The following SYTL5 variants were observed in gnomAD, a reference collection of about 807,000 sequenced individuals.
SYTL5 encodes the protein synaptotagmin like 5.
SYTL5 carries 34 observed loss-of-function variants against 55.9 expected under a neutral mutation model. The ratio of observed to expected loss-of-function variants is 0.61; its 90% CI spans 0.46 to 0.81. SYTL5 has a LOEUF of 0.81. Ranked by LOEUF, SYTL5 falls within the 30% of genes least tolerant of loss-of-function variation. SYTL5 has a pLI of 0.00. For synonymous variants in SYTL5, 221 were observed against 188.7 expected (o/e 1.17, Z -1.40); for missense variants, 637 against 546.7 (o/e 1.17, Z -1.65).
the SYTL5 span, among the ~76,000 whole-genome samples, chrX:37,934,999 C>T: frequency 8.9e-6 from 1 of 111,889 alleles, no homozygotes; most frequent in Non-Finnish European, 1.9e-5. Context: ...TCTACACATT[C>T]GAGAATCCCT....
chrX:37,930,404 A>G, the SYTL5 span, among the ~76,000 whole-genome samples: 1 of 111,677 alleles, frequency 9.0e-6, no homozygotes, highest in African/African-American at 3.3e-5. Flanking sequence ...GCTATCTCTG[A>G]AGAGAGAAAA....
In SYTL5 at chrX:38,033,988, A is replaced by G; in HGVS notation, c.99A>G (p.Lys33=). 1 of 1,165,304 alleles carries G rather than the reference A, an allele frequency of 8.6e-7. No homozygotes were observed. Among genetic ancestry groups the G allele is most frequent in the African/African-American group, 1.8e-5 (1 of 57,001 alleles). Residue 33 remains lysine (K), a synonymous_variant, in exon 2 of 17, where the codon AAA becomes AAG. Transcript: ENST00000297875. ...TAAAGAGAGATGAATATTTGAAAAA[A>G]GTGGAGGACAAGAGAATAAGGTAGT... The part of the protein sequence containing the change: ...GVLKRDEYLK[K]VEDKRIRKLK...
the SYTL5 span, among the ~76,000 whole-genome samples, chrX:37,925,870 C>G: frequency 8.9e-6 from 1 of 111,813 alleles, no homozygotes; most frequent in Admixed American, 9.5e-5. Flanking sequence ...GTTTTCCATT[C>G]CTGAATTACT....
At chrX:38,003,229 G>C (rs767337027), upstream of SYTL5, among the ~76,000 whole-genome samples, 8 of 111,290 alleles carry the variant, frequency 7.2e-5, no homozygotes, top group South Asian at 2.3e-3. Context: ...TGGTCTATAT[G>C]TCTGTTTTGG....
intron 1 of SYTL5, among the ~76,000 whole-genome samples, chrX:38,013,260 A>T (rs1934244882): frequency 8.9e-6 from 1 of 112,214 alleles, no homozygotes. Context: ...TTCCCATCTG[A>T]CTCTTATTGT....
chrX:37,890,738 C>T, the SYTL5 span, among the ~76,000 whole-genome samples: 1 of 112,164 alleles, frequency 8.9e-6, no homozygotes, highest in Non-Finnish European at 1.9e-5. Flanking sequence ...GATACAGAAT[C>T]GAAATAGACA....
chrX:38,108,905 G>A (rs1044802642), intron 12 of SYTL5, among the ~76,000 whole-genome samples: 11 of 112,195 alleles, frequency 9.8e-5, no homozygotes, highest in African/African-American at 1.6e-4. Context: ...TTAAGTCTAC[G>A]CTGCTACTGA....
intron 3 of SYTL5, among the ~76,000 whole-genome samples, chrX:38,059,813 C>T (rs1384230156): frequency 2.7e-5 from 3 of 111,502 alleles, no homozygotes; most frequent in Non-Finnish European, 5.7e-5. Context: ...TAACTAATGA[C>T]TGATTTGCTA....
chrX:38,014,843 G>A lies in SYTL5; in HGVS notation c.-357+8175G>A, dbSNP rs184580790. On this transcript the variant is annotated intron_variant, in intron 1 of 16. Transcript: ENST00000297875. ...ATACACATTTGTCTTCTGTGACAGA[G>A]GGATGACTTTGAGTTCTCCCTGTCC... Among the ~76,000 whole-genome samples, 250 of 112,428 alleles carry A rather than the reference G, an allele frequency of 2.2e-3. 1 individual carries two copies. The highest frequency in any genetic ancestry group is 7.6e-3 in the African/African-American group (237 of 30,997).
the SYTL5 span, among the ~76,000 whole-genome samples, chrX:37,969,632 C>T: frequency 8.9e-6 from 1 of 112,016 alleles, no homozygotes; most frequent in East Asian, 2.8e-4. Flanking sequence ...AGCCATCATT[C>T]AAGGCCTTTC....
the SYTL5 span, among the ~76,000 whole-genome samples, chrX:37,947,052 C>A: frequency 9.0e-6 from 1 of 110,966 alleles, no homozygotes; most frequent in South Asian, 3.8e-4. Context: ...ACTTTCTTCT[C>A]TCCCTCATTT....
the SYTL5 span, among the ~76,000 whole-genome samples, chrX:37,958,023 A>G: frequency 9.0e-6 from 1 of 111,319 alleles, no homozygotes; most frequent in African/African-American, 3.3e-5. Flanking sequence ...AGCCTGGCCA[A>G]CATGGTGAAA....
At chrX:38,046,696 C>T (rs1389681717) in intron 2 of SYTL5, among the ~76,000 whole-genome samples, 1 of 111,727 alleles carries the variant, frequency 9.0e-6, no homozygotes, top group Non-Finnish European at 1.9e-5. Flanking sequence ...AAAGTCTTAA[C>T]TCATTTCAGC....
chrX:38,076,701 G>A lies in SYTL5; in HGVS notation c.689G>A (p.Arg230Lys). Residue 230 changes from arginine to lysine, a missense_variant and splice_region_variant, in exon 6 of 17, where the codon AGG becomes AAG. Arg to Lys is a conservative substitution (Grantham distance 26). Coordinates refer to ENST00000297875, the MANE Select transcript of SYTL5 (RefSeq NM_138780.3). ...TTAAAATCACCTCCTGGTTCAGACA[G>A]GTAAGAGTCATACAGATTGAGCAAT... ...RSLKSPPGSDRGSTGSSDLND... is the reference protein window; with the variant it reads ...RSLKSPPGSDKGSTGSSDLND... 8.3e-7 allele frequency: 1 copy of A among 1,209,327 alleles called. No individual in the cohort carries two copies. Among genetic ancestry groups the A allele is most frequent in the South Asian group, 1.8e-5 (1 of 56,491 alleles).
At chrX:38,107,158 C>T (rs1937240724) in intron 11 of SYTL5, among the ~76,000 whole-genome samples, 1 of 111,904 alleles carries the variant, frequency 8.9e-6, no homozygotes, top group Non-Finnish European at 1.9e-5. Flanking sequence ...AATTATGAGG[C>T]TCTCAGGATT....
chrX:38,032,518 C>T (rs761086787), intron 1 of SYTL5, among the ~76,000 whole-genome samples: 53 of 111,198 alleles, frequency 4.8e-4, no homozygotes, highest in African/African-American at 1.7e-3. Flanking sequence ...GAGAGCAAAA[C>T]ATTACCCAAT....
At chrX:38,015,639 A>G (rs924182306) in intron 1 of SYTL5, among the ~76,000 whole-genome samples, 4 of 111,544 alleles carry the variant, frequency 3.6e-5, no homozygotes, top group Admixed American at 9.5e-5. Flanking sequence ...GTTTTTTTGA[A>G]AAGCAGCTTT....
upstream of SYTL5, among the ~76,000 whole-genome samples, chrX:38,003,904 T>G (rs1266403970): frequency 8.9e-6 from 1 of 111,911 alleles, no homozygotes; most frequent in Non-Finnish European, 1.9e-5. Context: ...AGATGACATC[T>G]CATTGTAGTT....
intron 1 of SYTL5, among the ~76,000 whole-genome samples, chrX:38,021,359 TC>T (rs1464287357): frequency 3.6e-5 from 4 of 111,925 alleles, no homozygotes; most frequent in Admixed American, 1.9e-4. Context: ...AGGCATCACT[TC>T]TCAAATGTCT....
Sources: allele counts gnomAD v4.1 joint callset (sites outside exome capture counted in the v4.1 genomes callset), GRCh38; gene constraint gnomAD v4.1.1; transcripts MANE v1.5; gene names NCBI Gene and HGNC (gene_info 2026-07-23, HGNC 2026-07-21).